Variants in LRRC7 observed in about 807,000 individuals in gnomAD.
LRRC7 encodes the protein leucine-rich repeat-containing protein 7.
Under a neutral mutation model 175.7 loss-of-function variants are expected in LRRC7, and 23 were observed. The ratio of observed to expected loss-of-function variants is 0.13; its 90% CI spans 0.09 to 0.19. LRRC7 has a LOEUF of 0.19. LRRC7 is among the 10% of genes least tolerant of loss of function. The probability of loss-of-function intolerance (pLI) is 1.00; values close to 1 mark genes in which losing one functional copy is unlikely to be tolerated. For missense variants in LRRC7, 1,354 were observed against 1,904.7 expected (o/e 0.71, Z 5.38); for synonymous variants, 685 against 680.9 (o/e 1.01, Z -0.09).
intron 7 of LRRC7, among the ~76,000 whole-genome samples, chr1:69,927,214 G>A (rs965637245): frequency 9.2e-5 from 14 of 152,146 alleles, no homozygotes; most frequent in Non-Finnish European, 1.3e-4. Flanking sequence ...TGGGTAACCC[G>A]ACCTTTCTCT....
At chr1:69,638,223 C>A (rs1653693341) in intron 1 of LRRC7, among the ~76,000 whole-genome samples, 1 of 151,924 alleles carries the variant, frequency 6.6e-6, no homozygotes, top group Non-Finnish European at 1.5e-5. Context: ...GCGTTTAACA[C>A]TATGTCAAAA....
chr1:69,911,629 G>A (rs1201937120), intron 7 of LRRC7, among the ~76,000 whole-genome samples: 2 of 152,096 alleles, frequency 1.3e-5, no homozygotes, highest in Admixed American at 1.3e-4. Context: ...GCCAGAACTA[G>A]GTCATAAGTT....
intron 7 of LRRC7, among the ~76,000 whole-genome samples, chr1:69,903,016 T>C (rs1345660634): frequency 6.6e-6 from 1 of 152,252 alleles, no homozygotes; most frequent in Non-Finnish European, 1.5e-5. Context: ...TCCTTTTATA[T>C]TTTATTTCGC....
At position 70,036,570 on chromosome 1, in the gene LRRC7, G is replaced by C. The variant is rs773021847; in HGVS notation, c.2234G>C (p.Gly745Ala). 10 of 1,614,004 alleles carry C rather than the reference G, an allele frequency of 6.2e-6. No individual in the cohort carries two copies. In the Middle Eastern group the frequency reaches 5.0e-4, roughly 80 times the overall value. Residue 745 changes from glycine to alanine, a missense_variant, in exon 20 of 27, where the codon GGG becomes GCG. Physicochemically the swap from Gly to Ala is moderately conservative, Grantham distance 60. Coordinates refer to ENST00000651989, the MANE Select transcript of LRRC7 (RefSeq NM_001370785.2). ...SGSSNTRVKV[G>A]SLQTTAKDAV... The stretch of plus-strand genomic sequence containing the variant: ...TCCTCTAATACCCGGGTTAAAGTGG[G>C]GTCCTTGCAGACAACAGCTAAAGAT...
At chr1:69,909,857 G>T (rs1476977535) in intron 7 of LRRC7, among the ~76,000 whole-genome samples, 1 of 152,102 alleles carries the variant, frequency 6.6e-6, no homozygotes, top group Admixed American at 6.5e-5. Context: ...ATAATATCCT[G>T]CAGAGTGTTT....
chr1:69,913,619 C>T (rs141336432), intron 7 of LRRC7, among the ~76,000 whole-genome samples: 3,429 of 152,164 alleles, frequency 0.023, 120 homozygotes, highest in African/African-American at 0.079. Context: ...TCAAGCGATT[C>T]TCCTGCCTTA....
intron 8 of LRRC7, among the ~76,000 whole-genome samples, chr1:69,934,501 G>C (rs1199360969): frequency 2.3e-4 from 14 of 61,568 alleles, no homozygotes; most frequent in South Asian, 2.0e-3. Flanking sequence ...TGGCGGGGGG[G>C]GGGCGGGGGG....
At chr1:69,648,209 G>A (rs72936595) in intron 1 of LRRC7, among the ~76,000 whole-genome samples, 2 of 152,098 alleles carry the variant, frequency 1.3e-5, no homozygotes, top group African/African-American at 2.4e-5. Flanking sequence ...AGGTTTAAAT[G>A]AGTGTGTGTA....
chr1:70,029,667 C>T (rs1232846860), intron 18 of LRRC7, among the ~76,000 whole-genome samples: 4 of 152,104 alleles, frequency 2.6e-5, no homozygotes, highest in Admixed American at 6.6e-5. Flanking sequence ...TTAGCAGATA[C>T]ACACTAAATA....
intron 1 of LRRC7, among the ~76,000 whole-genome samples, chr1:69,649,370 T>C (rs1040686387): frequency 3.9e-5 from 6 of 152,262 alleles, no homozygotes; most frequent in Admixed American, 2.6e-4. Context: ...CTATGGGAAG[T>C]GAGGATGATA....
chr1:69,653,127 A>G (rs912867644), intron 1 of LRRC7, among the ~76,000 whole-genome samples: 2 of 152,112 alleles, frequency 1.3e-5, no homozygotes, highest in Non-Finnish European at 2.9e-5. Flanking sequence ...CTTCTGCATA[A>G]CAAAACAATC....
In LRRC7 at chr1:70,124,736, A is replaced by G. The variant is rs567829517; in HGVS notation, c.*2849A>G. Among the ~76,000 whole-genome samples, 728 of 150,870 alleles carry G rather than the reference A, an allele frequency of 4.8e-3. 1 individual carries two copies. The highest frequency in any genetic ancestry group is 8.8e-3 in the Non-Finnish European group (592 of 67,576). On this transcript the variant is annotated 3_prime_UTR_variant, in exon 27 of 27. Coordinates refer to ENST00000651989, the MANE Select transcript of LRRC7 (RefSeq NM_001370785.2). ...ATCTGGTTATTTTAACAATAAAAAA[A>G]AGTCAAGGGTGTGCCTTTTAAAAAA...
intron 7 of LRRC7, among the ~76,000 whole-genome samples, chr1:69,867,159 T>A (rs991913964): frequency 2.0e-5 from 3 of 152,198 alleles, no homozygotes; most frequent in African/African-American, 7.2e-5. Context: ...CCTCTCTCTT[T>A]TAATATTCTT....
chr1:69,771,859 A>G (rs1019302384), intron 3 of LRRC7, among the ~76,000 whole-genome samples: 22 of 152,134 alleles, frequency 1.4e-4, no homozygotes, highest in Admixed American at 1.2e-3. Context: ...GGTGGCTCAC[A>G]CCTGCAATCC....
chr1:69,599,002 C>T (rs777363423), intron 1 of LRRC7, among the ~76,000 whole-genome samples: 7 of 151,974 alleles, frequency 4.6e-5, no homozygotes, highest in Non-Finnish European at 7.4e-5. Flanking sequence ...ACAAATGAAA[C>T]GTAATAATTG....
At chr1:69,684,217 T>C (rs1660839249) in intron 2 of LRRC7, among the ~76,000 whole-genome samples, 1 of 152,208 alleles carries the variant, frequency 6.6e-6, no homozygotes, top group African/African-American at 2.4e-5. Context: ...TTATTCACTA[T>C]ATTAATAACA....
Position 70,125,757 on chromosome 1 carries a change from A to G in LRRC7, c.*3870A>G, listed in dbSNP as rs991619314. 7.6e-6 allele frequency among the ~76,000 whole-genome samples: 1 copy of G among 132,272 alleles called. No individual in the cohort carries two copies. Among genetic ancestry groups the G allele is most frequent in the Admixed American group, 8.3e-5 (1 of 11,994 alleles). The allele number at this position is 132,272 out of a possible 152,430, so 86.8% of individuals were successfully genotyped here. A position where few individuals can be genotyped will look rare whatever the true frequency, so the allele number is the denominator to read the frequency against. On this transcript the variant is annotated 3_prime_UTR_variant, in exon 27 of 27. Coordinates refer to ENST00000651989, the MANE Select transcript of LRRC7 (RefSeq NM_001370785.2). ...CAGTGAGCCGAGATCCCGCCACTGC[A>G]CTCCAGCCTGGGCGACAGAGCGAGA...
chr1:69,809,902 G>A (rs1233937386), intron 4 of LRRC7, among the ~76,000 whole-genome samples: 2 of 152,094 alleles, frequency 1.3e-5, no homozygotes, highest in Admixed American at 6.6e-5. Context: ...ATTCAACATA[G>A]TATTGGAAGT....
At chr1:69,991,142 T>A (rs182399849) in intron 10 of LRRC7, among the ~76,000 whole-genome samples, 2 of 100,322 alleles carry the variant, frequency 2.0e-5, no homozygotes, top group African/African-American at 7.5e-5. Context: ...GGTGACAGAA[T>A]GGGACCTTTT....
Sources: gnomAD v4.1 joint callset for allele counts (sites outside exome capture counted in the v4.1 genomes callset) on GRCh38, gnomAD v4.1.1 for gene constraint, MANE v1.5 for transcripts, NCBI Gene and HGNC (gene_info 2026-07-23, HGNC 2026-07-21) for gene names.